IL1RAPL1: variants seen among roughly 807,000 people sequenced by gnomAD.
IL1RAPL1 encodes the protein interleukin-1 receptor accessory protein-like 1.
In IL1RAPL1, 3 loss-of-function variants were observed where a neutral mutation model predicts 48.4. The observed-to-expected ratio is 0.06, with a 90% confidence interval of 0.03 to 0.16. The LOEUF is 0.16. Ranked by LOEUF, IL1RAPL1 falls within the 10% of genes least tolerant of loss-of-function variation. The pLI is 1.00. For synonymous variants in IL1RAPL1, 185 were observed against 187.7 expected, an observed-to-expected ratio of 0.99 and a Z score of 0.12; for missense variants, 349 against 530.6, an observed-to-expected ratio of 0.66 and a Z score of 3.36.
chrX:28,598,477 AT>A (rs759840723), intron 1 of IL1RAPL1, among the ~76,000 whole-genome samples: 4 of 111,318 alleles, frequency 3.6e-5, no homozygotes, highest in Admixed American at 9.5e-5. Context: ...AAAAAATGCA[AT>A]TTACTTAGGC....
At chrX:29,461,071 A>T (rs900820869) in intron 5 of IL1RAPL1, among the ~76,000 whole-genome samples, 1 of 112,058 alleles carries the variant, frequency 8.9e-6, no homozygotes, top group Non-Finnish European at 1.9e-5. Flanking sequence ...TAGAAAATGT[A>T]TAACTCTTGA....
intron 5 of IL1RAPL1, among the ~76,000 whole-genome samples, chrX:29,638,116 T>G (rs1925033051): frequency 9.0e-6 from 1 of 111,284 alleles, no homozygotes; most frequent in Non-Finnish European, 1.9e-5. Flanking sequence ...TTGTTTTGAT[T>G]TCTCCTGTCT....
At chrX:29,584,590 AT>A (rs946371033) in intron 5 of IL1RAPL1, among the ~76,000 whole-genome samples, 2 of 111,199 alleles carry the variant, frequency 1.8e-5, no homozygotes, top group Non-Finnish European at 3.8e-5. Context: ...CTTACTTAAA[AT>A]TATCCAGGCT....
At chrX:29,494,316 G>C (rs1248254419) in intron 5 of IL1RAPL1, among the ~76,000 whole-genome samples, 1 of 111,791 alleles carries the variant, frequency 8.9e-6, no homozygotes, top group Non-Finnish European at 1.9e-5. Flanking sequence ...TCTTTTTTAT[G>C]GATGTATAAT....
At chrX:29,860,470 C>T (rs140083969) in intron 6 of IL1RAPL1, among the ~76,000 whole-genome samples, 3,440 of 110,929 alleles carry the variant, frequency 0.031, 152 homozygotes, top group African/African-American at 0.11. Flanking sequence ...ATCAACCTGT[C>T]ATCTACCTTA....
chrX:29,330,033 T>G (rs1932872235), intron 3 of IL1RAPL1, among the ~76,000 whole-genome samples: 1 of 109,723 alleles, frequency 9.1e-6, no homozygotes, highest in African/African-American at 3.3e-5. Flanking sequence ...AAAATGGGAG[T>G]GACTGGTAAT....
intron 2 of IL1RAPL1, among the ~76,000 whole-genome samples, chrX:28,860,604 C>T (rs755693171): frequency 9.2e-6 from 1 of 108,874 alleles, no homozygotes; most frequent in African/African-American, 3.3e-5. Flanking sequence ...ATTACAGGCA[C>T]ACACCACCAC....
At position 28,645,206 on chromosome X, in the gene IL1RAPL1, G is replaced by T. The variant is rs1018851625; in HGVS notation, c.-25+57159G>T. The stretch of plus-strand genomic sequence containing the variant: ...CTACTAAAAATACAAAATTAGTCGG[G>T]TATGGTGGCGTGCTCCTGTAATCCC... On this transcript the variant is annotated intron_variant, in intron 1 of 10. Transcript: ENST00000378993. Among the ~76,000 whole-genome samples, 4 of 107,873 alleles carry T rather than the reference G, an allele frequency of 3.7e-5. No individual in the cohort carries two copies. In the South Asian group the frequency reaches 1.3e-3, roughly 34 times the overall value. 93.7% of individuals were successfully genotyped at this position (107,873 alleles called of 115,157 possible).
rs753582133 is a variant in IL1RAPL1, at chrX:29,613,712, CGTGTGTGTGTGTGT to C, written c.704-54685_704-54672del. ...CAAATGGGAGAAGCTGGGTTTTTTTCGTGTGTGTGTGTGTGTGTGTGTGTGTGTGTGTGTGTGTG... is the reference window on the plus strand; with the variant it reads ...CAAATGGGAGAAGCTGGGTTTTTTTCGTGTGTGTGTGTGTGTGTGTGTGTG... On this transcript the variant is annotated intron_variant, in intron 5 of 10. Coordinates refer to ENST00000378993, the MANE Select transcript of IL1RAPL1 (RefSeq NM_014271.4). 3.0e-3 allele frequency among the ~76,000 whole-genome samples: 179 copies of C among 58,801 alleles called. 1 individual carries two copies. The highest frequency in any genetic ancestry group is 5.0e-3 in the East Asian group (8 of 1,586). The allele number at this position is 58,801 out of a possible 115,157, so 51.1% of individuals were successfully genotyped here. A position where few individuals can be genotyped will look rare whatever the true frequency, so the allele number is the denominator to read the frequency against.
At chrX:29,075,676 C>T (rs1489328991) in intron 2 of IL1RAPL1, among the ~76,000 whole-genome samples, 3 of 111,812 alleles carry the variant, frequency 2.7e-5, no homozygotes, top group Non-Finnish European at 5.6e-5. Context: ...AGTTCAACTT[C>T]TACATAGAAA....
chrX:29,457,159 T>C (rs150627868), intron 5 of IL1RAPL1, among the ~76,000 whole-genome samples: 1 of 104,882 alleles, frequency 9.5e-6, no homozygotes, highest in African/African-American at 3.6e-5. Flanking sequence ...GAAATAGTAA[T>C]GTATACCAGC....
chrX:28,953,415 A>G (rs1924522958), intron 2 of IL1RAPL1, among the ~76,000 whole-genome samples: 1 of 111,677 alleles, frequency 9.0e-6, no homozygotes, highest in Non-Finnish European at 1.9e-5. Flanking sequence ...GAATAGGATC[A>G]CTTCTCCAGA....
chrX:29,538,872 C>T (rs1028023987), intron 5 of IL1RAPL1, among the ~76,000 whole-genome samples: 1 of 111,286 alleles, frequency 9.0e-6, no homozygotes, highest in Non-Finnish European at 1.9e-5. Context: ...GAAGTTCAGT[C>T]TAAATAGCTG....
chrX:29,153,491 C>T lies in IL1RAPL1; in HGVS notation c.83-129447C>T, dbSNP rs6628413. ...CTCGTAAAATATTCAAGATGTAGTACAGATGTTCTTGATGCTAGATGTTGA... is the reference window on the plus strand; with the variant it reads ...CTCGTAAAATATTCAAGATGTAGTATAGATGTTCTTGATGCTAGATGTTGA... On this transcript the variant is annotated intron_variant, in intron 2 of 10. Transcript: ENST00000378993. 2.0e-3 allele frequency among the ~76,000 whole-genome samples: 229 copies of T among 111,801 alleles called. 7 individuals are homozygous for T. The East Asian group carries it at 0.058, about 28-fold the overall frequency.
intron 2 of IL1RAPL1, among the ~76,000 whole-genome samples, chrX:29,102,666 C>CA (rs148542340): frequency 0.013 from 804 of 62,043 alleles, 10 homozygotes; most frequent in African/African-American, 0.035. Flanking sequence ...AACTCCATCT[C>CA]AAAAAAAAAA....
chrX:28,932,295 T>G (rs1178623893), intron 2 of IL1RAPL1, among the ~76,000 whole-genome samples: 1 of 111,445 alleles, frequency 9.0e-6, no homozygotes, highest in African/African-American at 3.3e-5. Flanking sequence ...AGCATCATTT[T>G]ATTTTGCTCT....
At chrX:28,725,695 G>A (rs1254380194) in intron 1 of IL1RAPL1, among the ~76,000 whole-genome samples, 3 of 112,346 alleles carry the variant, frequency 2.7e-5, no homozygotes, top group Non-Finnish European at 5.6e-5. Context: ...TTGTGAAAAT[G>A]CTAACATGTT....
chrX:29,805,977 C>G (rs1484252593), intron 6 of IL1RAPL1, among the ~76,000 whole-genome samples: 1 of 105,488 alleles, frequency 9.5e-6, no homozygotes, highest in African/African-American at 3.4e-5. Flanking sequence ...ATAATATATA[C>G]AGGAAGAGAG....
chrX:29,782,887 CATTTTTTTTTTTTTTTTT>C, intron 6 of IL1RAPL1, among the ~76,000 whole-genome samples: 1 of 59,854 alleles, frequency 1.7e-5, no homozygotes, highest in South Asian at 1.1e-3. Context: ...TTGATCGTGA[CATTTTTTTTTTTTTTTTT>C]TTTTTTTTTT....
Sources: allele counts gnomAD v4.1 joint callset (sites outside exome capture counted in the v4.1 genomes callset), GRCh38; gene constraint gnomAD v4.1.1; transcripts MANE v1.5; gene names NCBI Gene and HGNC (gene_info 2026-07-23, HGNC 2026-07-21).